Variants in NIPBL observed in about 807,000 individuals in gnomAD.
NIPBL encodes nipped-B-like protein.
A neutral mutation model predicts 321.8 loss-of-function variants in NIPBL; 19 were observed. The observed-to-expected ratio is 0.06, with a 90% CI of 0.04 to 0.09. NIPBL has a LOEUF of 0.09. Among genes scored for constraint, NIPBL ranks in the 10% least tolerant of loss-of-function variants. The pLI, the probability that NIPBL is intolerant of heterozygous loss-of-function variation, is 1.00. For synonymous variants in NIPBL, 1,106 were observed against 1,114.1 expected (o/e 0.99, Z 0.14); for missense variants, 2,210 against 3,327.0 (o/e 0.66, Z 8.26).
chr5:36,943,649 G>A (rs1421427090), intron 1 of NIPBL, among the ~76,000 whole-genome samples: 2 of 152,070 alleles, frequency 1.3e-5, no homozygotes, highest in African/African-American at 4.8e-5. Context: ...TAGTATATGG[G>A]AGAAAAGTCA....
intron 4 of NIPBL, among the ~76,000 whole-genome samples, 181 bp from the exon 5 acceptor site, chr5:36,961,303 T>G (rs1283645963): frequency 6.6e-6 from 1 of 152,164 alleles, no homozygotes; most frequent in Non-Finnish European, 1.5e-5. Context: ...TGGAAAATGG[T>G]GTTGTAATAA....
chr5:36,919,939 T>C (rs1472223784), intron 1 of NIPBL, among the ~76,000 whole-genome samples: 1 of 152,180 alleles, frequency 6.6e-6, no homozygotes. Flanking sequence ...TTGTCAGGTA[T>C]TCTGTTTTAT....
chr5:37,061,078 G>T (rs1579613206), intron 45 of NIPBL, 60 bp downstream of exon 45: 10 of 1,291,744 alleles, frequency 7.7e-6, no homozygotes, highest in South Asian at 2.4e-5. Flanking sequence ...AAGTAAATGT[G>T]GGGGGCCGGT....
chr5:36,992,718 A>T (rs922010858), intron 10 of NIPBL, among the ~76,000 whole-genome samples: 1 of 116,442 alleles, frequency 8.6e-6, no homozygotes, highest in African/African-American at 3.7e-5. Context: ...CATTTTATTT[A>T]TTTATTTATT....
chr5:37,018,412 A>T (rs1340894060), intron 24 of NIPBL, among the ~76,000 whole-genome samples: 1 of 152,196 alleles, frequency 6.6e-6, no homozygotes, highest in Non-Finnish European at 1.5e-5. Context: ...GAACCCTTTG[A>T]AGCTGGCTTT....
At chr5:36,976,489 C>T (rs1055743757) in intron 9 of NIPBL, 87 bp downstream of exon 9, 20 of 1,336,898 alleles carry the variant, frequency 1.5e-5, no homozygotes, top group South Asian at 2.5e-5. Flanking sequence ...ACTTTTTTCC[C>T]GAATATTTTG....
intron 8 of NIPBL, among the ~76,000 whole-genome samples, chr5:36,974,960 T>A (rs1157379051): frequency 6.6e-6 from 1 of 152,132 alleles, no homozygotes; most frequent in Middle Eastern, 3.2e-3. Context: ...ACTTTTTCCT[T>A]CATGTCTGAA....
At chr5:36,969,651 T>C (rs1452359717) in intron 6 of NIPBL, among the ~76,000 whole-genome samples, 1 of 152,196 alleles carries the variant, frequency 6.6e-6, no homozygotes, top group Non-Finnish European at 1.5e-5. Context: ...TTTTAGAAGA[T>C]ACAGGAGGCT....
intron 9 of NIPBL, among the ~76,000 whole-genome samples, chr5:36,976,775 C>T (rs1052313124): frequency 3.3e-5 from 5 of 151,996 alleles, no homozygotes; most frequent in Non-Finnish European, 7.4e-5. Context: ...ACAAGGTTAA[C>T]CACTGTAGAA....
At chr5:37,022,921 A>G (rs561465451) in intron 29 of NIPBL, among the ~76,000 whole-genome samples, 1 of 152,214 alleles carries the variant, frequency 6.6e-6, no homozygotes, top group Non-Finnish European at 1.5e-5. Context: ...TTCTACATAC[A>G]TCATGGAATT....
At chr5:37,020,961 T>C (rs979451538) in intron 27 of NIPBL, 84 bp downstream of exon 27, 100 of 949,630 alleles carry the variant, frequency 1.1e-4, no homozygotes, top group Middle Eastern at 8.3e-4. Flanking sequence ...TATCATTCAT[T>C]GTTGAGTACA....
At chr5:37,004,230 A>G (rs193195103) in intron 16 of NIPBL, among the ~76,000 whole-genome samples, 3 of 152,332 alleles carry the variant, frequency 2.0e-5, no homozygotes, top group East Asian at 1.9e-4. Flanking sequence ...GCAATGGTTT[A>G]TTAATTGAGT....
intron 30 of NIPBL, among the ~76,000 whole-genome samples, chr5:37,025,511 G>T (rs1750160974): frequency 6.6e-6 from 1 of 152,084 alleles, no homozygotes; most frequent in Non-Finnish European, 1.5e-5. Context: ...GCAGAGGGAG[G>T]GAAGGGTTGT....
chr5:36,885,273 G>A (rs1283780706), intron 1 of NIPBL: 2 of 510,112 alleles, frequency 3.9e-6, no homozygotes, highest in Non-Finnish European at 7.9e-6. Context: ...CAGCCACCCA[G>A]CTATGGTGCC....
chr5:36,876,937 C>T lies in NIPBL; in HGVS notation c.-321C>T, dbSNP rs1745102598. Reference sequence around the variant, plus strand: ...ATTGGTTCCCGGGCCCGCGGCGATGCCCCCCCGGTAGCTCGGGCCCGTGGT... The same window carrying T: ...ATTGGTTCCCGGGCCCGCGGCGATGTCCCCCCGGTAGCTCGGGCCCGTGGT... On this transcript the variant is annotated 5_prime_UTR_variant, in exon 1 of 47. Transcript: ENST00000282516. 2.7e-6 allele frequency: 1 copy of T among 373,258 alleles called. No individual in the cohort carries two copies. The allele number at this position is 373,258 out of a possible 1,614,324, so 23.1% of individuals were successfully genotyped here.
chr5:36,933,848 A>T (rs575564425), intron 1 of NIPBL, among the ~76,000 whole-genome samples: 1 of 151,992 alleles, frequency 6.6e-6, no homozygotes, highest in Non-Finnish European at 1.5e-5. Flanking sequence ...TTTTATTCTC[A>T]ATTTTCCCAA....
At chr5:37,060,751 T>G in intron 44 of NIPBL, 93 bp from the exon 45 acceptor site, 2 of 1,074,988 alleles carry the variant, frequency 1.9e-6, no homozygotes, top group Non-Finnish European at 1.4e-6. Context: ...GAAACTAATT[T>G]CATTAATATG....
At chr5:37,057,447 C>T (rs1305201091) in intron 43 of NIPBL, 115 bp downstream of exon 43, 2 of 1,054,718 alleles carry the variant, frequency 1.9e-6, no homozygotes, top group African/African-American at 1.6e-5. Context: ...TAAAATCTTT[C>T]TAAGTGAACT....
intron 30 of NIPBL, 74 bp downstream of exon 30, chr5:37,024,793 T>G: frequency 1.8e-6 from 2 of 1,139,596 alleles, no homozygotes; most frequent in East Asian, 5.2e-5. Flanking sequence ...ACCTAAATGT[T>G]GATTTTAAAT....
Sources: allele counts gnomAD v4.1 joint callset (sites outside exome capture counted in the v4.1 genomes callset), GRCh38; gene constraint gnomAD v4.1.1; transcripts MANE v1.5; gene names NCBI Gene and HGNC (gene_info 2026-07-23, HGNC 2026-07-21).